Variants in TXNRD1 observed in about 807,000 individuals in gnomAD.
TXNRD1 encodes thioredoxin reductase 1, cytoplasmic.
A neutral mutation model predicts 80.3 loss-of-function variants in TXNRD1; 57 were observed. That is an observed-to-expected ratio of 0.71 (90% confidence interval 0.57 to 0.89). TXNRD1 has a LOEUF of 0.89. Ranked by LOEUF, TXNRD1 falls within the 40% of genes least tolerant of loss-of-function variation. TXNRD1 has a pLI of 0.00. For synonymous variants in TXNRD1, 291 were observed against 285.2 expected (o/e 1.02, Z -0.20); for missense variants, 730 against 803.0 (o/e 0.91, Z 1.10).
intron 1 of TXNRD1, among the ~76,000 whole-genome samples, chr12:104,216,219 C>T (rs1382720785): frequency 2.6e-5 from 4 of 152,252 alleles, no homozygotes; most frequent in Admixed American, 2.6e-4. Flanking sequence ...CCTGATTTCG[C>T]TCAGGGCCCG....
intron 14 of TXNRD1, among the ~76,000 whole-genome samples, 180 bp downstream of exon 14, chr12:104,331,821 T>G (rs921306095): frequency 1.3e-5 from 2 of 150,604 alleles, no homozygotes; most frequent in African/African-American, 4.9e-5. Flanking sequence ...TCTCATTCTG[T>G]GTGTGTGTGT....
chr12:104,240,435 G>T (rs529726915), intron 1 of TXNRD1, among the ~76,000 whole-genome samples: 4 of 152,086 alleles, frequency 2.6e-5, no homozygotes, highest in African/African-American at 4.8e-5. Flanking sequence ...TAGTGAACTA[G>T]GATTACTCCA....
intron 1 of TXNRD1, among the ~76,000 whole-genome samples, chr12:104,220,342 C>T (rs1206006320): frequency 6.6e-6 from 1 of 152,196 alleles, no homozygotes; most frequent in East Asian, 1.9e-4. Context: ...AAAGTCATTA[C>T]TCATTATTTG....
At chr12:104,347,400 A>G (rs1414710203) in intron 16 of TXNRD1, among the ~76,000 whole-genome samples, 2 of 152,200 alleles carry the variant, frequency 1.3e-5, no homozygotes, top group East Asian at 3.8e-4. Context: ...TTTTACGTAC[A>G]GGCAATCTTG....
At position 104,278,375 on chromosome 12, in the gene TXNRD1, C is replaced by T. The variant is rs552555469; in HGVS notation, c.305-10556C>T. 6.1e-5 allele frequency among the ~76,000 whole-genome samples: 9 copies of T among 147,316 alleles called. 1 individual carries two copies. The South Asian group carries it at 2.0e-3, about 32-fold the overall frequency. ...ACCCCCAAGCCTGGCTAATTTTTTG[C>T]GTTTTTAGTAGAGACGGGTTTCACC... On this transcript the variant is annotated intron_variant, in intron 3 of 16. Transcript: ENST00000525566.
At chr12:104,283,449 A>G (rs192120660) in intron 3 of TXNRD1, among the ~76,000 whole-genome samples, 1 of 151,590 alleles carries the variant, frequency 6.6e-6, no homozygotes, top group Non-Finnish European at 1.5e-5. Flanking sequence ...ACGGGGTTTC[A>G]CCATGTTGGC....
chr12:104,274,663 C>T (rs193204996), intron 3 of TXNRD1, among the ~76,000 whole-genome samples: 32 of 151,226 alleles, frequency 2.1e-4, no homozygotes, highest in Non-Finnish European at 2.7e-4. Context: ...CATGCCACTG[C>T]ACTCCAGCCT....
chr12:104,249,670 T>A (rs949617934), intron 1 of TXNRD1, among the ~76,000 whole-genome samples: 7 of 151,992 alleles, frequency 4.6e-5, no homozygotes, highest in Non-Finnish European at 1.0e-4. Context: ...GCGCGGTGGT[T>A]CACGCCTGTA....
chr12:104,282,249 C>G (rs1330923220), intron 3 of TXNRD1, among the ~76,000 whole-genome samples: 2 of 152,142 alleles, frequency 1.3e-5, no homozygotes, highest in Non-Finnish European at 2.9e-5. Flanking sequence ...AAAATTAGTC[C>G]TAGAGTTTCA....
chr12:104,242,196 CCCAAA>C (rs1434629172), intron 1 of TXNRD1, among the ~76,000 whole-genome samples: 1 of 151,430 alleles, frequency 6.6e-6, no homozygotes, highest in Non-Finnish European at 1.5e-5. Context: ...ACCTTGGCCT[CCCAAA>C]GTCCTGGGAT....
chr12:104,224,465 T>A (rs1352716433), intron 1 of TXNRD1, among the ~76,000 whole-genome samples: 1 of 152,188 alleles, frequency 6.6e-6, no homozygotes, highest in Non-Finnish European at 1.5e-5. Flanking sequence ...CTCGGCTCAC[T>A]GCAACCTCTG....
Position 104,319,632 on chromosome 12 carries a change from T to C in TXNRD1, c.989+47T>C, listed in dbSNP as rs548320712. On this transcript the variant is annotated intron_variant, in intron 9 of 16. Coordinates refer to ENST00000525566, the MANE Select transcript of TXNRD1 (RefSeq NM_001093771.3). ...GAAAAGAAAAACCCATTGTGGATAT[T>C]GCTTTCGCATTTTTCTTCAAACCCA... The C allele has an allele frequency of 5.2e-5, 72 of 1,381,060 alleles. No individual in the cohort carries two copies. In the Admixed American group the frequency reaches 1.3e-3, roughly 25 times the overall value. The allele number at this position is 1,381,060 out of a possible 1,614,324, so 85.6% of individuals were successfully genotyped here. A position where few individuals can be genotyped will look rare whatever the true frequency, so the allele number is the denominator to read the frequency against.
At chr12:104,265,451 T>C in intron 3 of TXNRD1, 4 of 1,605,480 alleles carry the variant, frequency 2.5e-6, no homozygotes, top group Non-Finnish European at 3.4e-6. Context: ...TGGTACTTTG[T>C]ATCTCAGTTA....
intron 1 of TXNRD1, among the ~76,000 whole-genome samples, chr12:104,216,165 C>T (rs1000792089): frequency 8.5e-5 from 13 of 152,358 alleles, no homozygotes; most frequent in African/African-American, 3.1e-4. Context: ...AGGACCTGCC[C>T]GGAAACCTGT....
At chr12:104,348,322 T>C in intron 16 of TXNRD1, 31 bp from the exon 17 acceptor site, 1 of 1,611,894 alleles carries the variant, frequency 6.2e-7, no homozygotes, top group South Asian at 1.1e-5. Flanking sequence ...CTCAGGCATC[T>C]GAAGATGTTG....
chr12:104,334,054 A>G (rs1288663046), intron 14 of TXNRD1, 183 bp from the exon 15 acceptor site: 4 of 360,660 alleles, frequency 1.1e-5, no homozygotes, highest in Non-Finnish European at 1.5e-5. Flanking sequence ...TTATAGCAAA[A>G]GTGCCTGACA....
chr12:104,266,535 A>AC (rs2033491657), intron 3 of TXNRD1, among the ~76,000 whole-genome samples: 1 of 151,238 alleles, frequency 6.6e-6, no homozygotes, highest in Non-Finnish European at 1.5e-5. Context: ...AAAAAAAAAA[A>AC]AAAAAAAAAT....
chr12:104,240,901 C>T (rs1325062768), intron 1 of TXNRD1, among the ~76,000 whole-genome samples: 1 of 151,858 alleles, frequency 6.6e-6, no homozygotes, highest in African/African-American at 2.4e-5. Flanking sequence ...CGCCACCATG[C>T]CTGGCTAATT....
rs1565864383 is a variant in TXNRD1, at chr12:104,254,647, ATATAT to A, written c.243+2970_243+2974del. Among the ~76,000 whole-genome samples, 182 of 108,732 alleles carry A rather than the reference ATATAT, an allele frequency of 1.7e-3. 5 individuals are homozygous for A. In the East Asian group the frequency reaches 0.036, roughly 22 times the overall value. The allele number at this position is 108,732 out of a possible 152,430, so 71.3% of individuals were successfully genotyped here. On this transcript the variant is annotated intron_variant, in intron 2 of 16. Coordinates refer to ENST00000525566, the MANE Select transcript of TXNRD1 (RefSeq NM_001093771.3). Reference sequence around the variant, plus strand: ...TGTCTATGGAAAAAAAAAAAAAAATATATATATATATATATATATCAGCATGGTTT... The same window carrying A: ...TGTCTATGGAAAAAAAAAAAAAAATAATATATATATATATCAGCATGGTTT...
Sources: allele counts gnomAD v4.1 joint callset (sites outside exome capture counted in the v4.1 genomes callset), GRCh38; gene constraint gnomAD v4.1.1; transcripts MANE v1.5; gene names NCBI Gene and HGNC (gene_info 2026-07-23, HGNC 2026-07-21).